The following OR56A3 variants were observed in gnomAD, a reference collection of about 807,000 sequenced individuals.
OR56A3 encodes olfactory receptor family 56 subfamily A member 3, also known as olfactory receptor 56A3.
In OR56A3, 23 loss-of-function variants were observed where a neutral mutation model predicts 17.5. That is an observed-to-expected ratio of 1.32 (90% CI 0.95 to 1.87). The LOEUF (loss-of-function observed/expected upper bound fraction) is 1.87. Ranked by LOEUF, OR56A3 falls within the 40% of genes most tolerant of loss-of-function variation. OR56A3 has a pLI of 0.00. For synonymous variants in OR56A3, 175 were observed against 150.6 expected, an observed-to-expected ratio of 1.16 and a Z score of -1.19; for missense variants, 366 against 380.1, an observed-to-expected ratio of 0.96 and a Z score of 0.31.
downstream of OR56A3, among the ~76,000 whole-genome samples, chr11:5,954,048 G>A (rs1441336731): frequency 6.6e-6 from 1 of 152,082 alleles, no homozygotes; most frequent in East Asian, 1.9e-4. Flanking sequence ...AGACAAATGT[G>A]GATTTTGGAA....
At chr11:6,016,664 T>A in the OR56A3 span, among the ~76,000 whole-genome samples, 3 of 151,412 alleles carry the variant, frequency 2.0e-5, no homozygotes, top group Non-Finnish European at 2.9e-5. Flanking sequence ...CAGATTCCAA[T>A]GAAAAAGAAA....
chr11:5,956,275 TTTA>T (rs1166267375), downstream of OR56A3, among the ~76,000 whole-genome samples: 1 of 152,224 alleles, frequency 6.6e-6, no homozygotes, highest in Non-Finnish European at 1.5e-5. Flanking sequence ...AAGAACAGAT[TTTA>T]TATTTTATTT....
rs199844033 is a variant in OR56A3 at position 5,947,714 on chromosome 11, C to A, written c.368C>A (p.Ala123Asp). ...GAGTCTTGCACATTCATGGTCATGG[C>A]CTATGATCGTTATGTAGCCATCTGC... ...AMESCTFMVM[A>D]YDRYVAICHP... The change falls in exon 3 of 3, where the codon GCC (alanine) becomes GAC (aspartate). Residue 123 changes from alanine (A) to aspartate (D), a missense_variant. By Grantham distance (126) the Ala-to-Asp change is moderately radical. Coordinates refer to ENST00000641160, the MANE Select transcript of OR56A3 (RefSeq NM_001003443.3). The A allele has an allele frequency of 6.2e-7, 1 of 1,614,194 alleles. No individual in the cohort carries two copies. The highest frequency in any genetic ancestry group is 8.5e-7 in the Non-Finnish European group (1 of 1,180,012).
the OR56A3 span, among the ~76,000 whole-genome samples, chr11:6,005,048 G>T: frequency 6.6e-6 from 1 of 152,118 alleles, no homozygotes; most frequent in Non-Finnish European, 1.5e-5. Flanking sequence ...TGGTTTAAAA[G>T]TTAGCCTCAA....
rs1847884681 is a variant in OR56A3 at position 5,948,077 on chromosome 11, C to T, written c.731C>T (p.Thr244Ile). Residue 244 changes from threonine to isoleucine, a missense_variant, in exon 3 of 3, where the codon ACA (threonine) becomes ATA (isoleucine). By Grantham distance (89) the Thr-to-Ile change is moderately conservative. Transcript: ENST00000641160. Reference sequence around the variant, plus strand: ...GGTGCCGTGGCAAAGGCCCTAAGCACATGTGGCTCCCACTTCATGCTCATC... The same window carrying T: ...GGTGCCGTGGCAAAGGCCCTAAGCATATGTGGCTCCCACTTCATGCTCATC... The part of the protein sequence containing the change: ...AEGAVAKALS[T>I]CGSHFMLILF... The T allele has an allele frequency of 6.2e-7, 1 of 1,614,140 alleles. No individual in the cohort carries two copies. Among genetic ancestry groups the T allele is most frequent in the Non-Finnish European group, 8.5e-7 (1 of 1,180,046 alleles).
chr11:6,014,353 G>A, the OR56A3 span, among the ~76,000 whole-genome samples: 5 of 152,300 alleles, frequency 3.3e-5, no homozygotes, highest in Admixed American at 3.3e-4. Context: ...TTCCAAGAAT[G>A]GTTTAACACC....
chr11:5,964,835 T>C, the OR56A3 span, among the ~76,000 whole-genome samples: 1 of 152,224 alleles, frequency 6.6e-6, no homozygotes, highest in Non-Finnish European at 1.5e-5. Context: ...CAAAGTCCAA[T>C]GCTTACTTAT....
At chr11:5,946,319 A>G (rs907617991) in intron 2 of OR56A3, among the ~76,000 whole-genome samples, 5 of 152,170 alleles carry the variant, frequency 3.3e-5, no homozygotes, top group African/African-American at 1.2e-4. Context: ...CAGAGTAGTT[A>G]TAGGTTTGTT....
chr11:6,003,245 T>C, the OR56A3 span: 19 of 721,594 alleles, frequency 2.6e-5, no homozygotes, highest in Middle Eastern at 3.8e-4. Flanking sequence ...TAAGGAGTAA[T>C]TAATATTGTT....
the OR56A3 span, among the ~76,000 whole-genome samples, chr11:5,964,980 A>C: frequency 1.3e-5 from 2 of 152,124 alleles, no homozygotes; most frequent in Non-Finnish European, 2.9e-5. Context: ...AAAACCAGGT[A>C]CTGTGATCAC....
chr11:5,957,087 T>C, the OR56A3 span, among the ~76,000 whole-genome samples: 2 of 152,046 alleles, frequency 1.3e-5, no homozygotes, highest in African/African-American at 4.8e-5. Context: ...CTGGGAGAGA[T>C]TGCAGTGAGC....
the OR56A3 span, among the ~76,000 whole-genome samples, chr11:6,011,132 A>G: frequency 1.3e-5 from 2 of 151,684 alleles, no homozygotes; most frequent in African/African-American, 2.4e-5. Flanking sequence ...TACATCTCTC[A>G]TCACTTTTTG....
At chr11:6,021,395 A>T in the OR56A3 span, 1 of 152,142 alleles carries the variant, frequency 6.6e-6, no homozygotes, top group Non-Finnish European at 1.5e-5. Flanking sequence ...AGAAGAAAGA[A>T]TATTGAATAT....
the OR56A3 span, among the ~76,000 whole-genome samples, chr11:5,959,745 G>A: frequency 6.6e-6 from 1 of 152,108 alleles, no homozygotes; most frequent in South Asian, 2.1e-4. Flanking sequence ...TCATTGCCCA[G>A]ATCAATGCTG....
the OR56A3 span, chr11:6,002,624 A>G: frequency 1.9e-6 from 3 of 1,614,128 alleles, no homozygotes; most frequent in African/African-American, 1.3e-5. Flanking sequence ...CATAACGGTC[A>G]TAGGCCATGA....
chr11:5,987,061 G>A, the OR56A3 span: 5 of 799,292 alleles, frequency 6.3e-6, no homozygotes, highest in Middle Eastern at 1.1e-3. Flanking sequence ...TCCTTTGGTG[G>A]AGATAATTCT....
downstream of OR56A3, among the ~76,000 whole-genome samples, chr11:5,952,807 T>C (rs1847915153): frequency 2.6e-5 from 4 of 152,256 alleles, no homozygotes; most frequent in South Asian, 8.3e-4. Flanking sequence ...CCTTTCCCTC[T>C]CTTCCACCTC....
At chr11:5,967,785 A>G in the OR56A3 span, 4 of 1,586,462 alleles carry the variant, frequency 2.5e-6, no homozygotes, top group African/African-American at 1.3e-5. Flanking sequence ...AGCTTTGGCC[A>G]TATCTCCCTC....
Position 5,951,220 on chromosome 11 carries a change from T to C in OR56A3, c.*2926T>C, listed in dbSNP as rs1470863899. On this transcript the variant is annotated 3_prime_UTR_variant, in exon 3 of 3. Coordinates refer to ENST00000641160, the MANE Select transcript of OR56A3 (RefSeq NM_001003443.3). ...GATCCTAAGGAAGAATGTAAATGGG[T>C]ATTTACTCATAACAAGTAAGGAATA... 1 of 152,140 alleles carries C rather than the reference T, an allele frequency of 6.6e-6. No individual in the cohort carries two copies. The highest frequency in any genetic ancestry group is 1.5e-5 in the Non-Finnish European group (1 of 67,988). The allele number at this position is 152,140 out of a possible 1,614,324, so 9.4% of individuals were successfully genotyped here. A position where few individuals can be genotyped will look rare whatever the true frequency, so the allele number is the denominator to read the frequency against.
Sources: allele counts gnomAD v4.1 joint callset (sites outside exome capture counted in the v4.1 genomes callset), GRCh38; gene constraint gnomAD v4.1.1; transcripts MANE v1.5; gene names NCBI Gene and HGNC (gene_info 2026-07-23, HGNC 2026-07-21).